SH3PXD2B: variants seen among roughly 807,000 people sequenced by gnomAD.
SH3PXD2B encodes SH3 and PX domains 2B.
SH3PXD2B carries 37 observed loss-of-function variants against 73.1 expected under a neutral mutation model. The observed-to-expected ratio is 0.51, with a 90% CI of 0.39 to 0.67. The LOEUF (loss-of-function observed/expected upper bound fraction) is 0.67, where lower values mean the gene tolerates loss of function less well. SH3PXD2B is among the 30% of genes least tolerant of loss of function. The pLI, the probability that SH3PXD2B is intolerant of heterozygous loss-of-function variation, is 0.00. For synonymous variants in SH3PXD2B, 457 were observed against 480.5 expected, an observed-to-expected ratio of 0.95 and a Z score of 0.64; for missense variants, 1,053 against 1,197.8, an observed-to-expected ratio of 0.88 and a Z score of 1.78.
intron 2 of SH3PXD2B, among the ~76,000 whole-genome samples, chr5:172,408,722 C>T (rs1407246657): frequency 6.6e-6 from 1 of 151,662 alleles, no homozygotes; most frequent in Non-Finnish European, 1.5e-5. Context: ...CGGGGTTTTA[C>T]CATGTTGGCC....
intron 2 of SH3PXD2B, among the ~76,000 whole-genome samples, chr5:172,412,181 G>C (rs957312855): frequency 6.6e-6 from 1 of 152,152 alleles, no homozygotes; most frequent in African/African-American, 2.4e-5. Flanking sequence ...TGATTGTGAG[G>C]CTGTGTTTTA....
At chr5:172,379,277 T>C (rs1333553976) in intron 5 of SH3PXD2B, among the ~76,000 whole-genome samples, 4 of 138,650 alleles carry the variant, frequency 2.9e-5, no homozygotes, top group African/African-American at 1.1e-4. Context: ...CAGACCAGCC[T>C]GGACAACATA....
At chr5:172,331,903 G>A (rs1361401750), downstream of SH3PXD2B, among the ~76,000 whole-genome samples, 3 of 152,148 alleles carry the variant, frequency 2.0e-5, no homozygotes, top group Non-Finnish European at 4.4e-5. Context: ...CCAAGATTGC[G>A]CCATTGCACT....
Position 172,422,457 on chromosome 5 carries a change from C to A in SH3PXD2B, c.115G>T (p.Glu39Ter). The A allele has an allele frequency of 6.2e-7, 1 of 1,612,600 alleles. No homozygotes were observed. ...TTGCTGTAGCGCCGGTAAATGGCCTCGGTGGAGCCGCTGGACCACGTGACC... is the reference window on the plus strand; with the variant it reads ...TTGCTGTAGCGCCGGTAAATGGCCTAGGTGGAGCCGCTGGACCACGTGACC... ...IRVTWSSGST[E>*]AIYRRYSKFF... is the part of the protein sequence containing the mutation. The change falls in exon 2 of 13, where the codon GAG becomes TAG. Residue 39 changes from glutamate to a stop codon, truncating the protein, a stop_gained. Transcript: ENST00000311601. LOFTEE classifies it high-confidence loss of function.
chr5:172,445,662 T>A lies in SH3PXD2B; in HGVS notation c.75+8616A>T, dbSNP rs927227190. 1.3e-5 allele frequency among the ~76,000 whole-genome samples: 2 copies of A among 152,254 alleles called. No individual in the cohort carries two copies. Among genetic ancestry groups the A allele is most frequent in the African/African-American group, 4.8e-5 (2 of 41,470 alleles). ...TCATAAATATGTCCCAAATATTGCA[T>A]GTTTATTTGAAACCGAAATTGAACT... On this transcript the variant is annotated intron_variant, in intron 1 of 12. Coordinates refer to ENST00000311601, the MANE Select transcript of SH3PXD2B (RefSeq NM_001017995.3). The surrounding 1 kb of genome is among the most constrained non-coding windows in gnomAD (Gnocchi z 5.2).
chr5:172,409,817 G>T (rs528080385), intron 2 of SH3PXD2B, among the ~76,000 whole-genome samples: 1 of 152,328 alleles, frequency 6.6e-6, no homozygotes, highest in Non-Finnish European at 1.5e-5. Context: ...CTGGGTTCAA[G>T]CGATTCTCCT....
chr5:172,397,566 A>C (rs867228323), intron 3 of SH3PXD2B, among the ~76,000 whole-genome samples: 16 of 152,312 alleles, frequency 1.1e-4, no homozygotes, highest in Middle Eastern at 3.4e-3. Flanking sequence ...CCCAGCTTTA[A>C]AATTTCTCTC....
At chr5:172,327,235 T>A (rs143432765) in intron 12 of SH3PXD2B, among the ~76,000 whole-genome samples, 142 of 152,344 alleles carry the variant, frequency 9.3e-4, no homozygotes, top group African/African-American at 3.2e-3. Context: ...AAGGGCCTAC[T>A]ATGTGCTAGG....
chr5:172,450,563 G>C (rs1306909810), intron 1 of SH3PXD2B, among the ~76,000 whole-genome samples: 2 of 152,022 alleles, frequency 1.3e-5, no homozygotes, highest in Non-Finnish European at 2.9e-5. Context: ...AGGACACTTT[G>C]ACCACTGTTA....
intron 6 of SH3PXD2B, among the ~76,000 whole-genome samples, chr5:172,372,748 T>C (rs1244406364): frequency 6.6e-6 from 1 of 152,130 alleles, no homozygotes; most frequent in Non-Finnish European, 1.5e-5. Context: ...CTGAGGCCCA[T>C]GAGAGGGGGT....
intron 1 of SH3PXD2B, among the ~76,000 whole-genome samples, chr5:172,443,231 G>C (rs1284450552): frequency 6.6e-6 from 1 of 152,198 alleles, no homozygotes; most frequent in African/African-American, 2.4e-5. Flanking sequence ...CGACTGTCAA[G>C]TAAGATGAAA....
At chr5:172,348,638 G>C (rs4129329) in intron 10 of SH3PXD2B, among the ~76,000 whole-genome samples, 1,857 of 72,466 alleles carry the variant, frequency 0.026, 36 homozygotes, top group African/African-American at 0.046. Flanking sequence ...ATCTATCTAT[G>C]TATCTATCTA....
intron 6 of SH3PXD2B, among the ~76,000 whole-genome samples, chr5:172,368,486 T>TATATATATTATATATATATAAATAAA (rs1561907918): frequency 4.2e-4 from 5 of 11,790 alleles, no homozygotes; most frequent in Admixed American, 1.7e-3. Flanking sequence ...ATATATAAAA[T>TATATATATTATATATATATAAATAAA]ATATATATAT....
chr5:172,354,143 GC>G (rs1191748134), intron 8 of SH3PXD2B, 138 bp from the exon 9 acceptor site: 2 of 752,842 alleles, frequency 2.7e-6, no homozygotes, highest in African/African-American at 3.4e-5. Flanking sequence ...CCCTGACCTA[GC>G]CCTGGACAGC....
chr5:172,439,692 G>GCACACACACACGCGCACACA lies in SH3PXD2B; in HGVS notation c.75+14585_75+14586insTGTGTGCGCGTGTGTGTGTG, dbSNP rs1759504986. Reference sequence around the variant, plus strand: ...TGTGCGTGCGTGCGCGCACGCGCGCGCACACACACACACACACACACACAC... The same window carrying GCACACACACACGCGCACACA: ...TGTGCGTGCGTGCGCGCACGCGCGCGCACACACACACGCGCACACACACACACACACACACACACACACAC... On this transcript the variant is annotated intron_variant, in intron 1 of 12. Transcript: ENST00000311601. 2.2e-5 allele frequency among the ~76,000 whole-genome samples: 3 copies of GCACACACACACGCGCACACA among 138,626 alleles called. No homozygotes were observed. The South Asian group carries it at 7.4e-4, about 34-fold the overall frequency. The allele number at this position is 138,626 out of a possible 152,430, so 90.9% of individuals were successfully genotyped here.
In SH3PXD2B at chr5:172,333,887, A is replaced by G; in HGVS notation, c.*4482T>C. On this transcript the variant is annotated 3_prime_UTR_variant, in exon 13 of 13. Transcript: ENST00000311601. ...CCTCTAAGTGAAAGGGGCGCTAACA[A>G]TAATTACACGGGCACAAAGGCATAC... 25 of 1,273,508 alleles carry G rather than the reference A, an allele frequency of 2.0e-5. No homozygotes were observed. The highest frequency in any genetic ancestry group is 2.5e-5 in the Non-Finnish European group (25 of 985,030). The allele number at this position is 1,273,508 out of a possible 1,614,324, so 78.9% of individuals were successfully genotyped here.
intron 12 of SH3PXD2B, among the ~76,000 whole-genome samples, chr5:172,343,183 G>A (rs920696661): frequency 2.0e-5 from 3 of 152,188 alleles, no homozygotes; most frequent in Admixed American, 6.5e-5. Context: ...CTCCAGGAAA[G>A]GCCACTGATA....
chr5:172,439,692 GCACA>G (rs367799974), intron 1 of SH3PXD2B, among the ~76,000 whole-genome samples: 10,641 of 138,518 alleles, frequency 0.077, 405 homozygotes, highest in Non-Finnish European at 0.084. Context: ...GCACGCGCGC[GCACA>G]CACACACACA....
intron 4 of SH3PXD2B, among the ~76,000 whole-genome samples, chr5:172,390,299 T>A (rs1305682509): frequency 2.6e-5 from 4 of 152,262 alleles, no homozygotes; most frequent in African/African-American, 9.6e-5. Context: ...AATCATACAA[T>A]ATGTAGTTGT....
Sources: gnomAD v4.1 joint callset for allele counts (sites outside exome capture counted in the v4.1 genomes callset) on GRCh38, gnomAD v4.1.1 for gene constraint, Gnocchi (gnomAD v3.1) non-coding constraint, MANE v1.5 for transcripts, NCBI Gene and HGNC (gene_info 2026-07-23, HGNC 2026-07-21) for gene names.